Variants in NOL4 observed in about 807,000 individuals in gnomAD.
NOL4 encodes nucleolar protein 4, also known as cancer/testis antigen 125.
In NOL4, 17 loss-of-function variants were observed where a neutral mutation model predicts 75.9. The observed-to-expected ratio is 0.22, with a 90% CI of 0.15 to 0.34. NOL4 has a LOEUF of 0.34. NOL4 is among the 10% of genes least tolerant of loss of function. The pLI, the probability that NOL4 is intolerant of heterozygous loss-of-function variation, is 1.00. For synonymous variants in NOL4, 292 were observed against 289.9 expected (o/e 1.01, Z -0.07); for missense variants, 614 against 793.5 (o/e 0.77, Z 2.72).
intron 9 of NOL4, among the ~76,000 whole-genome samples, chr18:33,940,723 C>G (rs182554094): frequency 1.3e-5 from 2 of 151,060 alleles, no homozygotes; most frequent in South Asian, 4.2e-4. Flanking sequence ...AAAACAAAAA[C>G]GGGGGAAAAA....
At chr18:33,892,292 A>AT (rs2065139085) in intron 9 of NOL4, among the ~76,000 whole-genome samples, 1 of 151,994 alleles carries the variant, frequency 6.6e-6, no homozygotes, top group African/African-American at 2.4e-5. Flanking sequence ...CTGGCTGGTA[A>AT]TGGTGGAATG....
In NOL4 at chr18:34,203,717, TCACACACA is replaced by T. The variant is rs60755450; in HGVS notation, c.264+19265_264+19272del. Among the ~76,000 whole-genome samples, 195 of 72,296 alleles carry T rather than the reference TCACACACA, an allele frequency of 2.7e-3. 1 individual carries two copies. Among genetic ancestry groups the T allele is most frequent in the African/African-American group, 8.2e-3 (166 of 20,152 alleles). The allele number at this position is 72,296 out of a possible 152,430, so 47.4% of individuals were successfully genotyped here. ...CTCTCTCTCTCTCTCTCTCTCTCTC[TCACACACA>T]CACACACACACACACACACACACAC... On this transcript the variant is annotated intron_variant, in intron 1 of 10. Transcript: ENST00000261592.
At chr18:34,030,870 ATGAT>A (rs2144652312) in intron 5 of NOL4, among the ~76,000 whole-genome samples, 1 of 152,318 alleles carries the variant, frequency 6.6e-6, no homozygotes, top group South Asian at 2.1e-4. Flanking sequence ...ATTTAAAAAG[ATGAT>A]TATTTACTCT....
At chr18:34,173,436 G>A (rs1343963214) in intron 1 of NOL4, among the ~76,000 whole-genome samples, 1 of 151,988 alleles carries the variant, frequency 6.6e-6, no homozygotes, top group Non-Finnish European at 1.5e-5. Context: ...GAATATGGTG[G>A]ATATGTTAAC....
In NOL4 at chr18:33,990,575, A is replaced by G. The variant is rs73416303; in HGVS notation, c.1056+28743T>C. 4.7e-3 allele frequency among the ~76,000 whole-genome samples: 709 copies of G among 150,486 alleles called. 6 individuals carry two copies. The highest frequency in any genetic ancestry group is 0.016 in the African/African-American group (662 of 40,434). On this transcript the variant is annotated intron_variant, in intron 6 of 10. Coordinates refer to ENST00000261592, the MANE Select transcript of NOL4 (RefSeq NM_003787.5). ...GCCAAGGTCTAGACATTGGGCTGCTATACTCCTAGACCTACACTGCCCCTT... is the reference window on the plus strand; with the variant it reads ...GCCAAGGTCTAGACATTGGGCTGCTGTACTCCTAGACCTACACTGCCCCTT...
At chr18:33,865,238 A>C (rs1007233387) in intron 10 of NOL4, among the ~76,000 whole-genome samples, 4 of 152,096 alleles carry the variant, frequency 2.6e-5, no homozygotes, top group African/African-American at 9.7e-5. Flanking sequence ...CAGGATACTC[A>C]AGTCCTTTAT....
chr18:34,134,713 A>G (rs1246331104), intron 1 of NOL4, among the ~76,000 whole-genome samples: 1 of 152,194 alleles, frequency 6.6e-6, no homozygotes, highest in Admixed American at 6.5e-5. Flanking sequence ...ACCTCATGCT[A>G]TCATAAAACA....
chr18:34,112,802 G>C (rs970456510), intron 2 of NOL4, among the ~76,000 whole-genome samples: 3 of 152,136 alleles, frequency 2.0e-5, no homozygotes, highest in Non-Finnish European at 4.4e-5. Context: ...AGTAACCGTA[G>C]ATAATTCTGT....
intron 1 of NOL4, among the ~76,000 whole-genome samples, chr18:34,130,347 C>G (rs1194109004): frequency 6.6e-6 from 1 of 151,690 alleles, no homozygotes; most frequent in East Asian, 1.9e-4. Flanking sequence ...TTTTGAGGCC[C>G]AGTAATTTTT....
intron 5 of NOL4, among the ~76,000 whole-genome samples, chr18:34,026,966 G>A (rs2075373970): frequency 6.6e-6 from 1 of 152,158 alleles, no homozygotes; most frequent in Admixed American, 6.6e-5. Flanking sequence ...CTGAGGAGAG[G>A]AGCCTGAAAA....
intron 1 of NOL4, chr18:34,157,128 G>A (rs548306509): frequency 2.6e-5 from 4 of 152,016 alleles, no homozygotes; most frequent in Non-Finnish European, 5.9e-5. Context: ...ATCCTGTGTA[G>A]AGTACTCTTC....
chr18:34,184,694 A>G (rs1394624138), intron 1 of NOL4, among the ~76,000 whole-genome samples: 3 of 152,132 alleles, frequency 2.0e-5, no homozygotes, highest in Non-Finnish European at 4.4e-5. Flanking sequence ...GAATTCACAA[A>G]ACATTAGGGG....
At chr18:33,902,457 G>C (rs1478600365) in intron 9 of NOL4, among the ~76,000 whole-genome samples, 1 of 152,016 alleles carries the variant, frequency 6.6e-6, no homozygotes, top group African/African-American at 2.4e-5. Flanking sequence ...TGTTGTTGTA[G>C]ACTGATGCGG....
chr18:34,045,823 T>C (rs2076338296), intron 5 of NOL4, among the ~76,000 whole-genome samples: 1 of 152,144 alleles, frequency 6.6e-6, no homozygotes, highest in African/African-American at 2.4e-5. Flanking sequence ...AATCAAACAT[T>C]AATCTGATTT....
chr18:33,935,630 T>C (rs891337998), intron 9 of NOL4, among the ~76,000 whole-genome samples: 5 of 152,078 alleles, frequency 3.3e-5, no homozygotes, highest in African/African-American at 4.8e-5. Flanking sequence ...ATATGTGACA[T>C]AGAGACACAC....
chr18:33,864,197 A>T (rs1599667573), intron 10 of NOL4, among the ~76,000 whole-genome samples: 2 of 152,238 alleles, frequency 1.3e-5, no homozygotes, highest in South Asian at 4.1e-4. Context: ...CATGCCCTGG[A>T]GACATTTTCC....
intron 6 of NOL4, among the ~76,000 whole-genome samples, chr18:33,963,129 T>C (rs1170142357): frequency 6.6e-6 from 1 of 152,184 alleles, no homozygotes; most frequent in Admixed American, 6.5e-5. Flanking sequence ...TCTACTTCAA[T>C]CTTTCCCTAA....
intron 2 of NOL4, among the ~76,000 whole-genome samples, chr18:34,113,117 G>T (rs115496653): frequency 6.6e-6 from 1 of 151,804 alleles, no homozygotes; most frequent in South Asian, 2.1e-4. Flanking sequence ...CTACAGGTGC[G>T]GACCACTAAG....
intron 9 of NOL4, among the ~76,000 whole-genome samples, chr18:33,934,772 T>G (rs138348830): frequency 0.012 from 1,901 of 152,264 alleles, 16 homozygotes; most frequent in Middle Eastern, 0.027. Context: ...GTGGCTGGTT[T>G]GATCTTCTAT....
Sources: allele counts gnomAD v4.1 joint callset (sites outside exome capture counted in the v4.1 genomes callset), GRCh38; gene constraint gnomAD v4.1.1; transcripts MANE v1.5; gene names NCBI Gene and HGNC (gene_info 2026-07-23, HGNC 2026-07-21).